The following TMEM74 variants were observed in gnomAD, a reference collection of about 807,000 sequenced individuals.
The protein encoded by TMEM74 is transmembrane protein 74.
A neutral mutation model predicts 18.1 loss-of-function variants in TMEM74; 13 were observed. The observed-to-expected ratio is 0.72, with a 90% CI of 0.47 to 1.14. The LOEUF is 1.14. TMEM74 is among the 50% of genes most tolerant of loss of function. TMEM74 has a pLI of 0.00. For missense variants in TMEM74, 372 were observed against 375.9 expected (o/e 0.99, Z 0.09); for synonymous variants, 159 against 146.6 (o/e 1.08, Z -0.61).
chr8:108,777,100 A>G (rs1814242769), downstream of TMEM74, among the ~76,000 whole-genome samples: 1 of 152,230 alleles, frequency 6.6e-6, no homozygotes, highest in African/African-American at 2.4e-5. Context: ...GAGTCTTGCA[A>G]GGCAAACAGT....
chr8:108,721,275 CCAAGAAAGA>C (rs1320536904), intron 1 of TMEM74, among the ~76,000 whole-genome samples: 17 of 152,190 alleles, frequency 1.1e-4, no homozygotes, highest in Non-Finnish European at 2.5e-4. Context: ...CTCCTCTCTA[CCAAGAAAGA>C]CACTCTGTCT....
At chr8:108,712,771 GC>G (rs1269285952) in intron 1 of TMEM74, among the ~76,000 whole-genome samples, 2 of 152,118 alleles carry the variant, frequency 1.3e-5, no homozygotes, top group African/African-American at 2.4e-5. Flanking sequence ...CTCATAACAA[GC>G]CTGTCAACTA....
chr8:108,746,655 A>G (rs1813851026), intron 1 of TMEM74, among the ~76,000 whole-genome samples: 1 of 152,142 alleles, frequency 6.6e-6, no homozygotes, highest in African/African-American at 2.4e-5. Flanking sequence ...ACTCCTAAAT[A>G]GCCTCAGGAT....
At chr8:108,740,980 A>G (rs530300153) in intron 1 of TMEM74, among the ~76,000 whole-genome samples, 49 of 152,358 alleles carry the variant, frequency 3.2e-4, no homozygotes, top group African/African-American at 1.0e-3. Context: ...CTAAATACTT[A>G]ATAAACAGTG....
intron 1 of TMEM74, among the ~76,000 whole-genome samples, chr8:108,740,523 G>T (rs1364497191): frequency 6.6e-6 from 1 of 152,220 alleles, no homozygotes; most frequent in African/African-American, 2.4e-5. Context: ...GTGCTTCACA[G>T]ATACTACATT....
chr8:108,773,789 T>C (rs1471573680), intron 1 of TMEM74, among the ~76,000 whole-genome samples: 1 of 152,114 alleles, frequency 6.6e-6, no homozygotes, highest in Non-Finnish European at 1.5e-5. Flanking sequence ...GAGTGAGTAA[T>C]TTTGGAATAG....
At chr8:108,722,799 A>G (rs73700355) in intron 1 of TMEM74, among the ~76,000 whole-genome samples, 1 of 152,012 alleles carries the variant, frequency 6.6e-6, no homozygotes, top group African/African-American at 2.4e-5. Flanking sequence ...TGTTGTTTTT[A>G]TCTACACTAA....
chr8:108,741,457 G>A (rs201805864), intron 1 of TMEM74, among the ~76,000 whole-genome samples: 2 of 152,158 alleles, frequency 1.3e-5, no homozygotes, highest in East Asian at 1.9e-4. Flanking sequence ...CATCAAGTAA[G>A]AAGCTATAGA....
intron 1 of TMEM74, among the ~76,000 whole-genome samples, chr8:108,750,467 C>T (rs551924847): frequency 6.6e-6 from 1 of 152,166 alleles, no homozygotes; most frequent in African/African-American, 2.4e-5. Context: ...CTCTTCCCTA[C>T]CCACTAGGAA....
intron 1 of TMEM74, among the ~76,000 whole-genome samples, chr8:108,689,437 T>C (rs1217510049): frequency 2.0e-5 from 3 of 152,216 alleles, no homozygotes; most frequent in East Asian, 3.8e-4. Context: ...GTAAGACAGA[T>C]GATCCTATGT....
At chr8:108,637,187 T>C (rs1181515024) in intron 2 of TMEM74, among the ~76,000 whole-genome samples, 1 of 152,192 alleles carries the variant, frequency 6.6e-6, no homozygotes, top group Non-Finnish European at 1.5e-5. Flanking sequence ...TTCCATATTA[T>C]TTTAATCTTC....
At chr8:108,614,220 T>C (rs935348878) in intron 2 of TMEM74, among the ~76,000 whole-genome samples, 2 of 152,194 alleles carry the variant, frequency 1.3e-5, no homozygotes, top group Non-Finnish European at 2.9e-5. Flanking sequence ...TTCAACATAT[T>C]GCAATACTGC....
At chr8:108,650,010 AG>A (rs1812758022) in intron 2 of TMEM74, among the ~76,000 whole-genome samples, 2 of 152,194 alleles carry the variant, frequency 1.3e-5, no homozygotes, top group Admixed American at 1.3e-4. Context: ...TTTCTGTATA[AG>A]GGAAAATGAG....
chr8:108,739,070 G>T (rs946427445), intron 1 of TMEM74, among the ~76,000 whole-genome samples: 3 of 152,158 alleles, frequency 2.0e-5, no homozygotes, highest in African/African-American at 7.2e-5. Context: ...TTATTACAAA[G>T]AAAGAAGGCA....
intron 2 of TMEM74, among the ~76,000 whole-genome samples, chr8:108,609,018 G>T (rs1196768783): frequency 1.3e-5 from 2 of 152,142 alleles, no homozygotes; most frequent in Non-Finnish European, 2.9e-5. Context: ...TTTCCCTCTT[G>T]CCTTGTAAAA....
chr8:108,717,359 C>T (rs1229887461), intron 1 of TMEM74, among the ~76,000 whole-genome samples: 4 of 152,110 alleles, frequency 2.6e-5, no homozygotes, highest in Non-Finnish European at 5.9e-5. Context: ...CAACTACTAT[C>T]AATTCAAATC....
At chr8:108,675,936 A>G (rs1249164899) in intron 1 of TMEM74, among the ~76,000 whole-genome samples, 1 of 152,338 alleles carries the variant, frequency 6.6e-6, no homozygotes, top group East Asian at 1.9e-4. Flanking sequence ...TATTCATATT[A>G]GTTATAATAT....
chr8:108,662,286 A>G (rs1812907912), intron 1 of TMEM74, among the ~76,000 whole-genome samples: 1 of 152,052 alleles, frequency 6.6e-6, no homozygotes, highest in Non-Finnish European at 1.5e-5. Context: ...GAGACACATG[A>G]TAGAGAGGTA....
chr8:108,774,550 G>C (rs1814207386), downstream of TMEM74, among the ~76,000 whole-genome samples: 1 of 152,164 alleles, frequency 6.6e-6, no homozygotes, highest in Admixed American at 6.5e-5. Context: ...AGGCATGTTG[G>C]TTTCTTAACC....
Sources: gnomAD v4.1 joint callset for allele counts (sites outside exome capture counted in the v4.1 genomes callset) on GRCh38, gnomAD v4.1.1 for gene constraint, MANE v1.5 for transcripts, NCBI Gene and HGNC (gene_info 2026-07-23, HGNC 2026-07-21) for gene names.